NSDHL: variants seen among roughly 807,000 people sequenced by gnomAD.
The protein encoded by NSDHL is sterol-4-alpha-carboxylate 3-dehydrogenase, decarboxylating.
NSDHL carries 1 observed loss-of-function variant against 23.0 expected under a neutral mutation model. The ratio of observed to expected loss-of-function variants is 0.04; its 90% CI spans 0.02 to 0.21. The LOEUF (loss-of-function observed/expected upper bound fraction) is 0.21, where lower values mean the gene tolerates loss of function less well. Ranked by LOEUF, NSDHL falls within the 10% of genes least tolerant of loss-of-function variation. The pLI, the probability that NSDHL is intolerant of heterozygous loss-of-function variation, is 1.00. For missense variants in NSDHL, 237 were observed against 300.9 expected (o/e 0.79, Z 1.57); for synonymous variants, 128 against 121.1 (o/e 1.06, Z -0.37).
At chrX:152,858,054 T>C (rs1208213704) in intron 3 of NSDHL, among the ~76,000 whole-genome samples, 3 of 112,503 alleles carry the variant, frequency 2.7e-5, no homozygotes, top group African/African-American at 9.7e-5. Context: ...AGAATAAATA[T>C]TTGATTCTTT....
Position 152,865,872 on chromosome X carries a change from C to T in NSDHL, c.597C>T (p.Arg199=), listed in dbSNP as rs375415627. The T allele has an allele frequency of 8.3e-6, 10 of 1,211,106 alleles. No individual in the cohort carries two copies. The highest frequency in any genetic ancestry group is 5.9e-5 in the East Asian group (2 of 33,794). The change falls in exon 6 of 8, where the codon CGC becomes CGT. Residue 199 remains arginine, a synonymous_variant. Transcript: ENST00000370274. Reference sequence around the variant, plus strand: ...AGAATTTCTTAACCACAGCCATCCGCCCTCATGGCATTTTCGGCCCAAGGG... The same window carrying T: ...AGAATTTCTTAACCACAGCCATCCGTCCTCATGGCATTTTCGGCCCAAGGG... The part of the protein sequence containing the change: ...PEKNFLTTAI[R]PHGIFGPRDP...
Position 152,869,303 on chromosome X carries a change from G to A in NSDHL, c.*187G>A, listed in dbSNP as rs938782662. 12 of 476,845 alleles carry A rather than the reference G, an allele frequency of 2.5e-5. No individual in the cohort carries two copies. Among genetic ancestry groups the A allele is most frequent in the Non-Finnish European group, 4.1e-5 (11 of 267,157 alleles). The allele number at this position is 476,845 out of a possible 1,213,427, so 39.3% of individuals were successfully genotyped here. A position where few individuals can be genotyped will look rare whatever the true frequency, so the allele number is the denominator to read the frequency against. ...CAAAAACAGACATTTCTTCCTTCATGGAACTGGATTTGGATTTCTTGAAGC... is the reference window on the plus strand; with the variant it reads ...CAAAAACAGACATTTCTTCCTTCATAGAACTGGATTTGGATTTCTTGAAGC... On this transcript the variant is annotated 3_prime_UTR_variant, in exon 8 of 8. Transcript: ENST00000370274.
chrX:152,836,935 G>T (rs1187101455), intron 1 of NSDHL, among the ~76,000 whole-genome samples: 1 of 112,257 alleles, frequency 8.9e-6, no homozygotes, highest in Non-Finnish European at 1.9e-5. Flanking sequence ...CTATTCATGA[G>T]CATGGAATGT....
chrX:152,868,972 C>T lies in NSDHL; in HGVS notation c.978C>T (p.Pro326=). 2 of 1,212,051 alleles carry T rather than the reference C, an allele frequency of 1.7e-6. No homozygotes were observed. Among genetic ancestry groups the T allele is most frequent in the Non-Finnish European group, 2.2e-6 (2 of 895,538 alleles). ...PVIQLQPTFT[P]MRVALAGTFH... ...TCCAGCTGCAGCCCACCTTCACACC[C>T]ATGCGGGTCGCACTGGCTGGCACAT... Residue 326 remains proline, a synonymous_variant, in exon 8 of 8, where the codon CCC becomes CCT. Transcript: ENST00000370274.
At position 152,869,489 on chromosome X, in the gene NSDHL, A is replaced by AT. The variant is rs1334809356; in HGVS notation, c.*373_*374insT. 1.5e-5 allele frequency: 4 copies of AT among 266,225 alleles called. No individual in the cohort carries two copies. The East Asian group carries it at 3.6e-4, about 24-fold the overall frequency. The allele number at this position is 266,225 out of a possible 1,213,427, so 21.9% of individuals were successfully genotyped here. A position where few individuals can be genotyped will look rare whatever the true frequency, so the allele number is the denominator to read the frequency against. On this transcript the variant is annotated 3_prime_UTR_variant, in exon 8 of 8. Transcript: ENST00000370274. ...ACAACCCATTTGTTAGTTCTGATGG[A>AT]GAACCATTTCCATGCAGACCAATAC...
chrX:152,842,765 G>A (rs1933214161), intron 1 of NSDHL, among the ~76,000 whole-genome samples: 1 of 112,151 alleles, frequency 8.9e-6, no homozygotes, highest in Non-Finnish European at 1.9e-5. Context: ...GCCTCCCAAA[G>A]TACTGAGATT....
rs1933669549 is a variant in NSDHL, at chrX:152,869,274, G to A, written c.*158G>A. The A allele has an allele frequency of 9.7e-6, 5 of 513,137 alleles. No individual in the cohort carries two copies. The highest frequency in any genetic ancestry group is 2.6e-5 in the South Asian group (1 of 38,029). 42.3% of individuals were successfully genotyped at this position (513,137 alleles called of 1,213,427 possible). A position where few individuals can be genotyped will look rare whatever the true frequency, so the allele number is the denominator to read the frequency against. ...CCCTACTCTTTCCGTGACGATGAGG[G>A]CGGCAAAAACAGACATTTCTTCCTT... is the stretch of plus-strand genomic sequence containing the variant. On this transcript the variant is annotated 3_prime_UTR_variant, in exon 8 of 8. Transcript: ENST00000370274.
chrX:152,852,762 G>A (rs1933378030), intron 3 of NSDHL, among the ~76,000 whole-genome samples: 1 of 110,771 alleles, frequency 9.0e-6, no homozygotes, highest in Non-Finnish European at 1.9e-5. Flanking sequence ...CCCCACCAAA[G>A]TGCCCATCCT....
intron 2 of NSDHL, among the ~76,000 whole-genome samples, chrX:152,848,013 C>T (rs1372266130): frequency 3.6e-5 from 4 of 110,238 alleles, no homozygotes; most frequent in Non-Finnish European, 7.6e-5. Flanking sequence ...CAGGCGCCTA[C>T]CACCACACCT....
At chrX:152,861,812 A>G (rs1370767492) in intron 4 of NSDHL, among the ~76,000 whole-genome samples, 4 of 112,592 alleles carry the variant, frequency 3.6e-5, no homozygotes, top group African/African-American at 9.7e-5. Context: ...AGACGAGTTA[A>G]TTTTTGTATA....
rs192779824 is a variant in NSDHL, at chrX:152,865,570, C to T, written c.544-249C>T. ...TCTGATTTGATCTTACCAGTTTTTG[C>T]CCAGCTGTCTGTCCTGCATTTTCAG... On this transcript the variant is annotated intron_variant, in intron 5 of 7. Coordinates refer to ENST00000370274, the MANE Select transcript of NSDHL (RefSeq NM_015922.3). 3.5e-5 allele frequency among the ~76,000 whole-genome samples: 4 copies of T among 112,829 alleles called. No homozygotes were observed. In the Admixed American group the frequency reaches 3.7e-4, roughly 11 times the overall value.
intron 1 of NSDHL, among the ~76,000 whole-genome samples, chrX:152,835,564 C>G (rs1159867165): frequency 2.8e-5 from 3 of 107,405 alleles, no homozygotes; most frequent in African/African-American, 1.0e-4. Flanking sequence ...GTTATCTGTC[C>G]TTGTGATAGT....
intron 1 of NSDHL, among the ~76,000 whole-genome samples, chrX:152,843,926 C>T (rs939172814): frequency 8.9e-6 from 1 of 111,891 alleles, no homozygotes; most frequent in Non-Finnish European, 1.9e-5. Context: ...CTAGTTGTTG[C>T]GACAACCCCA....
At chrX:152,867,133 C>T (rs1256371236) in intron 6 of NSDHL, among the ~76,000 whole-genome samples, 5 of 111,898 alleles carry the variant, frequency 4.5e-5, no homozygotes, top group Admixed American at 3.8e-4. Flanking sequence ...CTCTTCCTTC[C>T]TTTTTCCCTC....
chrX:152,866,886 G>C (rs73641510), intron 6 of NSDHL, among the ~76,000 whole-genome samples: 4,084 of 111,988 alleles, frequency 0.036, 185 homozygotes, highest in African/African-American at 0.12. Flanking sequence ...TCTCAGGTAG[G>C]CTGGGAAGGT....
At chrX:152,860,813 T>G (rs1171473654) in intron 4 of NSDHL, among the ~76,000 whole-genome samples, 3 of 112,463 alleles carry the variant, frequency 2.7e-5, no homozygotes, top group Non-Finnish European at 5.6e-5. Context: ...ATGTGTAATG[T>G]GTGCCCATCC....
chrX:152,831,434 T>C (rs1556843403), intron 1 of NSDHL, among the ~76,000 whole-genome samples: 1 of 110,482 alleles, frequency 9.1e-6, no homozygotes, highest in Non-Finnish European at 1.9e-5. Flanking sequence ...AGAGCACCCC[T>C]AGACTGACCC....
intron 5 of NSDHL, among the ~76,000 whole-genome samples, chrX:152,863,908 ATT>A (rs782469554): frequency 5.1e-5 from 5 of 98,455 alleles, no homozygotes; most frequent in African/African-American, 1.9e-4. Flanking sequence ...TGTTTGCCGT[ATT>A]TTTTTTTTTT....
intron 1 of NSDHL, among the ~76,000 whole-genome samples, chrX:152,845,747 C>T (rs1007900392): frequency 8.9e-6 from 1 of 111,854 alleles, no homozygotes; most frequent in Non-Finnish European, 1.9e-5. Flanking sequence ...GCACTCCACT[C>T]ATCCCCCGTC....
Sources: gnomAD v4.1 joint callset for allele counts (sites outside exome capture counted in the v4.1 genomes callset) on GRCh38, gnomAD v4.1.1 for gene constraint, MANE v1.5 for transcripts, NCBI Gene and HGNC (gene_info 2026-07-23, HGNC 2026-07-21) for gene names.